The following LIFR variants were observed in gnomAD, a reference collection of about 807,000 sequenced individuals.
The protein encoded by LIFR is LIF receptor subunit alpha, also known as leukemia inhibitory factor receptor.
A neutral mutation model predicts 122.2 loss-of-function variants in LIFR; 84 were observed. The observed-to-expected ratio is 0.69, with a 90% CI of 0.58 to 0.82. The LOEUF is 0.82. Among genes scored for constraint, LIFR ranks in the 40% least tolerant of loss-of-function variants. LIFR has a pLI of 0.00. For synonymous variants in LIFR, 422 were observed against 434.7 expected (o/e 0.97, Z 0.36); for missense variants, 1,294 against 1,311.6 (o/e 0.99, Z 0.21).
chr5:38,506,626 G>T lies in LIFR; in HGVS notation c.998C>A (p.Pro333Gln), dbSNP rs1745501303. The change falls in exon 8 of 20, where the codon CCA becomes CAA. Residue 333 changes from proline to glutamine, a missense_variant. By Grantham distance (76) the Pro-to-Gln change is moderately conservative. Transcript: ENST00000453190. Reference sequence around the variant, plus strand: ...ACAATTCAGTTGTTGAGGAGTATCTGGTGGATCTAACAGAAAAAAAATGCA... The same window carrying T: ...ACAATTCAGTTGTTGAGGAGTATCTTGTGGATCTAACAGAAAAAAAATGCA... ...FGTVIFAGYP[P>Q]DTPQQLNCET... The T allele has an allele frequency of 6.2e-7, 1 of 1,612,214 alleles. No individual in the cohort carries two copies. The highest frequency in any genetic ancestry group is 8.5e-7 in the Non-Finnish European group (1 of 1,178,544).
At chr5:38,537,975 A>G (rs1219915314) in intron 1 of LIFR, among the ~76,000 whole-genome samples, 2 of 152,086 alleles carry the variant, frequency 1.3e-5, no homozygotes, top group African/African-American at 2.4e-5. Context: ...GTGGTTTCTA[A>G]CCATAAAGGT....
At chr5:38,512,014 T>A in intron 5 of LIFR, 50 bp from the exon 6 acceptor site, 1 of 1,576,528 alleles carries the variant, frequency 6.3e-7, no homozygotes, top group Non-Finnish European at 8.7e-7. Context: ...GCAATATGTT[T>A]TGCTTTCCTT....
At chr5:38,589,281 C>T (rs1749849260) in intron 1 of LIFR, among the ~76,000 whole-genome samples, 1 of 152,060 alleles carries the variant, frequency 6.6e-6, no homozygotes. Flanking sequence ...ATACTGCCTC[C>T]TTTAAGTGTA....
intron 1 of LIFR, among the ~76,000 whole-genome samples, chr5:38,578,207 CTTTT>C (rs3079294): frequency 4.9e-5 from 6 of 123,458 alleles, no homozygotes; most frequent in African/African-American, 1.8e-4. Context: ...TTTTCTTTTT[CTTTT>C]TTTTTTTTTT....
At chr5:38,496,306 CA>C in intron 13 of LIFR, 75 bp downstream of exon 13, 1 of 1,204,942 alleles carries the variant, frequency 8.3e-7, no homozygotes, top group South Asian at 1.2e-5. Context: ...GCTGACATGA[CA>C]AAAGAGCAAG....
rs140351515 is a variant in LIFR, at chr5:38,504,549, G to A, written c.1292-428C>T. Among the ~76,000 whole-genome samples the A allele has an allele frequency of 5.7e-3, 872 of 152,216 alleles. 9 individuals carry two copies. The highest frequency in any genetic ancestry group is 9.1e-3 in the Non-Finnish European group (616 of 68,024). ...GTAAGGTAAGTCTTACAGTGAAGATGGAACTTAAGATGAGCTATGCAGGAA... is the reference window on the plus strand; with the variant it reads ...GTAAGGTAAGTCTTACAGTGAAGATAGAACTTAAGATGAGCTATGCAGGAA... On this transcript the variant is annotated intron_variant, in intron 9 of 19. Coordinates refer to ENST00000453190, the MANE Select transcript of LIFR (RefSeq NM_001127671.2).
At chr5:38,564,797 C>CA (rs548207725) in intron 1 of LIFR, among the ~76,000 whole-genome samples, 174 of 149,416 alleles carry the variant, frequency 1.2e-3, no homozygotes, top group African/African-American at 4.0e-3. Context: ...TTTTTTGAGT[C>CA]AGAGTCTCAC....
upstream of LIFR, chr5:38,559,159 ATG>A (rs1458678314): frequency 6.6e-6 from 1 of 152,262 alleles, no homozygotes; most frequent in African/African-American, 2.4e-5. Flanking sequence ...CCTGCCTTCC[ATG>A]TATACCCATT....
intron 1 of LIFR, among the ~76,000 whole-genome samples, chr5:38,570,623 C>T (rs1057075665): frequency 1.3e-5 from 2 of 152,068 alleles, no homozygotes; most frequent in Non-Finnish European, 1.5e-5. Context: ...TTCATGGACA[C>T]TTTAGAACTT....
intron 11 of LIFR, among the ~76,000 whole-genome samples, chr5:38,501,979 T>C (rs996706471): frequency 1.3e-4 from 17 of 130,708 alleles, no homozygotes; most frequent in Middle Eastern, 4.0e-3. Flanking sequence ...TTTTTAGTAA[T>C]TGTTTTTTTT....
chr5:38,557,182 T>G (rs1013974615), upstream of LIFR: 1 of 152,334 alleles, frequency 6.6e-6, no homozygotes, highest in African/African-American at 2.4e-5. Context: ...CTGGTCCTCC[T>G]GCCGGGTGTG....
At chr5:38,486,332 C>A (rs1203758015) in intron 16 of LIFR, among the ~76,000 whole-genome samples, 1 of 152,112 alleles carries the variant, frequency 6.6e-6, no homozygotes, top group Non-Finnish European at 1.5e-5. Flanking sequence ...ATGAAAACCA[C>A]CACAACCAAA....
In LIFR at chr5:38,481,757, A is replaced by G. The variant is rs745548189; in HGVS notation, c.3132T>C (p.Ser1044=). The part of the protein sequence containing the change: ...VNTWNLVSPD[S]PRSIDSNSEI... ...CACTGTTGCTGTCTATGGATCTAGG[A>G]GAGTCTGGAGACACTAAATTCCATG... is the stretch of plus-strand genomic sequence containing the variant. Residue 1044 remains serine, a synonymous_variant, in exon 20 of 20, where the codon TCT becomes TCC. Coordinates refer to ENST00000453190, the MANE Select transcript of LIFR (RefSeq NM_001127671.2). 4.3e-5 allele frequency: 69 copies of G among 1,614,034 alleles called. No individual in the cohort carries two copies. Among genetic ancestry groups the G allele is most frequent in the Admixed American group, 1.3e-4 (8 of 59,996 alleles).
chr5:38,579,056 C>T (rs868832462), intron 1 of LIFR: 1 of 152,302 alleles, frequency 6.6e-6, no homozygotes, highest in African/African-American at 2.4e-5. Context: ...TCACCTTAGG[C>T]TCAGTTGGCT....
intron 11 of LIFR, among the ~76,000 whole-genome samples, chr5:38,502,154 G>A (rs2112454381): frequency 6.6e-6 from 1 of 152,060 alleles, no homozygotes; most frequent in South Asian, 2.1e-4. Flanking sequence ...TCTATACTAT[G>A]ACAAAACTTC....
intron 6 of LIFR, among the ~76,000 whole-genome samples, chr5:38,511,061 T>G (rs1745774115): frequency 6.6e-6 from 1 of 152,172 alleles, no homozygotes; most frequent in African/African-American, 2.4e-5. Flanking sequence ...TTCAGTGGGT[T>G]TATATATACA....
At chr5:38,498,682 CT>C (rs1352205317) in intron 12 of LIFR, among the ~76,000 whole-genome samples, 1 of 152,158 alleles carries the variant, frequency 6.6e-6, no homozygotes, top group Admixed American at 6.6e-5. Flanking sequence ...ATATTTCAAA[CT>C]TTCGTATATT....
chr5:38,580,660 T>C (rs1749551496), intron 1 of LIFR, among the ~76,000 whole-genome samples: 1 of 152,146 alleles, frequency 6.6e-6, no homozygotes, highest in South Asian at 2.1e-4. Context: ...TGCCTCAAAA[T>C]TAATGTATCC....
rs1745736597 is a variant in LIFR at position 38,510,468 on chromosome 5, A to G, written c.987T>C (p.Ala329=). 2 of 1,613,162 alleles carry G rather than the reference A, an allele frequency of 1.2e-6. No individual in the cohort carries two copies. Among genetic ancestry groups the G allele is most frequent in the Non-Finnish European group, 8.5e-7 (1 of 1,179,792 alleles). Residue 329 remains alanine, a synonymous_variant, in exon 7 of 20, where the codon GCT becomes GCC. Transcript: ENST00000453190. The stretch of plus-strand genomic sequence containing the variant: ...TCTTTAAAATCATATACTTACATCC[A>G]GCAAAAATAACGGTTCCAAATATGT... The part of the protein sequence containing the change: ...EDNIFGTVIF[A]GYPPDTPQQL...
Sources: gnomAD v4.1 joint callset for allele counts (sites outside exome capture counted in the v4.1 genomes callset) on GRCh38, gnomAD v4.1.1 for gene constraint, MANE v1.5 for transcripts, NCBI Gene and HGNC (gene_info 2026-07-23, HGNC 2026-07-21) for gene names.